Variants in ABRAXAS2 observed in about 807,000 individuals in gnomAD.
ABRAXAS2 encodes abraxas 2, BRISC complex subunit, also known as BRISC complex subunit Abraxas 2.
ABRAXAS2 carries 23 observed loss-of-function variants against 49.0 expected under a neutral mutation model. The ratio of observed to expected loss-of-function variants is 0.47; its 90% CI spans 0.34 to 0.66. The LOEUF (loss-of-function observed/expected upper bound fraction) is 0.66. Ranked by LOEUF, ABRAXAS2 falls within the 30% of genes least tolerant of loss-of-function variation. The probability of loss-of-function intolerance (pLI) is 0.01; values close to 1 mark genes in which losing one functional copy is unlikely to be tolerated. For synonymous variants in ABRAXAS2, 168 were observed against 180.2 expected, an observed-to-expected ratio of 0.93 and a Z score of 0.54; for missense variants, 443 against 511.9, an observed-to-expected ratio of 0.87 and a Z score of 1.30.
chr10:124,824,021 G>A (rs1354943631), intron 4 of ABRAXAS2, among the ~76,000 whole-genome samples: 1 of 152,174 alleles, frequency 6.6e-6, no homozygotes, highest in Non-Finnish European at 1.5e-5. Context: ...GGGCTCAAGT[G>A]ATCCCCCTGC....
chr10:124,822,015 A>G (rs967767889), intron 4 of ABRAXAS2, among the ~76,000 whole-genome samples: 10 of 152,338 alleles, frequency 6.6e-5, no homozygotes, highest in African/African-American at 2.2e-4. Context: ...AACTAAGGTT[A>G]AATCATTTGC....
At chr10:124,817,145 GAAGTTA>G (rs991060756) in intron 3 of ABRAXAS2, among the ~76,000 whole-genome samples, 8 of 152,122 alleles carry the variant, frequency 5.3e-5, no homozygotes, top group African/African-American at 1.9e-4. Context: ...AGAGATGATT[GAAGTTA>G]TGTGAATGTG....
intron 1 of ABRAXAS2, 91 bp from the exon 2 acceptor site, chr10:124,806,740 A>G: frequency 1.2e-6 from 1 of 840,976 alleles, no homozygotes. Flanking sequence ...TATTGTGAAA[A>G]TTATAAATTT....
chr10:124,808,142 C>T (rs117492278), intron 2 of ABRAXAS2, among the ~76,000 whole-genome samples: 5,193 of 151,876 alleles, frequency 0.034, 131 homozygotes, highest in Non-Finnish European at 0.046. Flanking sequence ...ATACTCTGAA[C>T]AAAGCAAGGA....
rs1331987223 is a variant in ABRAXAS2, at chr10:124,826,724, A to G, written c.397A>G (p.Ile133Val). Residue 133 changes from isoleucine to valine, a missense_variant, in exon 5 of 9, where the codon ATC (isoleucine) becomes GTC (valine). Transcript: ENST00000298492. ...CCTCGTCTTTCTTCTCTTCAGCTTC[A>G]TCTCCACTGCCAACAATTCCACTCA... Reference protein sequence around the residue: ...PDLVFLLFSFISTANNSTHAL... With the variant: ...PDLVFLLFSFVSTANNSTHAL... 6.2e-7 allele frequency: 1 copy of G among 1,614,036 alleles called. No homozygotes were observed. Among genetic ancestry groups the G allele is most frequent in the Non-Finnish European group, 8.5e-7 (1 of 1,180,034 alleles).
At chr10:124,816,714 G>A in intron 3 of ABRAXAS2, 102 bp downstream of exon 3, 1 of 800,382 alleles carries the variant, frequency 1.2e-6, no homozygotes, top group Non-Finnish European at 2.1e-6. Context: ...AAGTCATGAG[G>A]GTACCCAAAT....
At chr10:124,802,188 G>A (rs945223732) in intron 1 of ABRAXAS2, among the ~76,000 whole-genome samples, 1 of 152,182 alleles carries the variant, frequency 6.6e-6, no homozygotes, top group Non-Finnish European at 1.5e-5. Flanking sequence ...GCAGTGTCAG[G>A]AGTCGCTCGG....
Position 124,806,816 on chromosome 10 carries a change from T to C in ABRAXAS2, c.73-15T>C, listed in dbSNP as rs369593747. 1 of 1,536,220 alleles carries C rather than the reference T, an allele frequency of 6.5e-7. No homozygotes were observed. The highest frequency in any genetic ancestry group is 1.4e-5 in the African/African-American group (1 of 72,682). ...TTATTTTTAGTCTGCAATTATTTTCTTTAATTACTTTTAGGAAGGATTTTT... is the reference window on the plus strand; with the variant it reads ...TTATTTTTAGTCTGCAATTATTTTCCTTAATTACTTTTAGGAAGGATTTTT... On this transcript the variant is annotated splice_polypyrimidine_tract_variant and intron_variant, in intron 1 of 8. Transcript: ENST00000298492.
At chr10:124,802,975 G>A (rs1005077156) in intron 1 of ABRAXAS2, among the ~76,000 whole-genome samples, 7 of 152,166 alleles carry the variant, frequency 4.6e-5, no homozygotes, top group Non-Finnish European at 1.0e-4. Context: ...AGAACTTAAT[G>A]ATAGGAATAG....
At position 124,831,330 on chromosome 10, in the gene ABRAXAS2, T is replaced by C. The variant is rs1369828210; in HGVS notation, c.664-19T>C. Reference sequence around the variant, plus strand: ...GTGCTTGAACTTGAAGCTAACCTCGTTGTCATTTTTTTCCTCAGGCAGTGT... The same window carrying C: ...GTGCTTGAACTTGAAGCTAACCTCGCTGTCATTTTTTTCCTCAGGCAGTGT... On this transcript the variant is annotated intron_variant, in intron 7 of 8. Coordinates refer to ENST00000298492, the MANE Select transcript of ABRAXAS2 (RefSeq NM_032182.4). The C allele has an allele frequency of 1.3e-6, 2 of 1,494,434 alleles. No homozygotes were observed. The highest frequency in any genetic ancestry group is 1.1e-5 in the South Asian group (1 of 88,166). The allele number at this position is 1,494,434 out of a possible 1,614,324, so 92.6% of individuals were successfully genotyped here. A position where few individuals can be genotyped will look rare whatever the true frequency, so the allele number is the denominator to read the frequency against.
At chr10:124,819,359 T>C (rs775654468) in intron 3 of ABRAXAS2, 25 bp from the exon 4 acceptor site, 3 of 1,603,088 alleles carry the variant, frequency 1.9e-6, no homozygotes, top group African/African-American at 2.7e-5. Flanking sequence ...GTGGTGTTAG[T>C]ACAAGATTTT....
intron 5 of ABRAXAS2, 98 bp downstream of exon 5, chr10:124,826,883 G>A: frequency 8.5e-7 from 1 of 1,175,636 alleles, no homozygotes; most frequent in Non-Finnish European, 1.2e-6. Flanking sequence ...GAAGGCTGAG[G>A]CGGATGGATC....
In ABRAXAS2 at chr10:124,834,570, A is replaced by G. The variant is rs914296931; in HGVS notation, c.847A>G (p.Met283Val). ...ESLDPAFSPR[M>V]PSSGFAAEGR... is the part of the protein sequence containing the mutation. Reference sequence around the variant, plus strand: ...CTTGGACCCAGCGTTCAGTCCTCGGATGCCGTCCTCTGGGTTTGCAGCTGA... The same window carrying G: ...CTTGGACCCAGCGTTCAGTCCTCGGGTGCCGTCCTCTGGGTTTGCAGCTGA... The change falls in exon 9 of 9, where the codon ATG becomes GTG. Residue 283 changes from methionine (M) to valine (V), a missense_variant. Coordinates refer to ENST00000298492, the MANE Select transcript of ABRAXAS2 (RefSeq NM_032182.4). The G allele has an allele frequency of 2.5e-6, 4 of 1,614,078 alleles. No homozygotes were observed. Among genetic ancestry groups the G allele is most frequent in the Admixed American group, 1.7e-5 (1 of 60,006 alleles).
chr10:124,802,364 C>T (rs1950711506), intron 1 of ABRAXAS2, among the ~76,000 whole-genome samples: 1 of 152,210 alleles, frequency 6.6e-6, no homozygotes, highest in Non-Finnish European at 1.5e-5. Flanking sequence ...CGAGTGAAAC[C>T]GTGGCTGTCA....
intron 4 of ABRAXAS2, among the ~76,000 whole-genome samples, chr10:124,824,569 A>C (rs1442773268): frequency 6.6e-6 from 1 of 151,602 alleles, no homozygotes. Context: ...GGCAGCTAGG[A>C]AAAAAAATGA....
chr10:124,822,651 G>A (rs963181800), intron 4 of ABRAXAS2, among the ~76,000 whole-genome samples: 28 of 152,216 alleles, frequency 1.8e-4, no homozygotes, highest in African/African-American at 6.5e-4. Flanking sequence ...AATTAGCTGG[G>A]CATGATGGCG....
At chr10:124,818,368 C>G (rs967120677) in intron 3 of ABRAXAS2, among the ~76,000 whole-genome samples, 2 of 150,168 alleles carry the variant, frequency 1.3e-5, no homozygotes, top group African/African-American at 4.9e-5. Context: ...TGCACTCCAG[C>G]CTGGGTGACA....
rs762864100 is a variant in ABRAXAS2, at chr10:124,822,446, G to GT, written c.267+3005dup. Reference sequence around the variant, plus strand: ...ATGAAGGAAGAATTTATTTGATAAGGTTTTTTTTTCTTTTAATGACTATGT... The same window carrying GT: ...ATGAAGGAAGAATTTATTTGATAAGGTTTTTTTTTTCTTTTAATGACTATGT... On this transcript the variant is annotated intron_variant, in intron 4 of 8. Transcript: ENST00000298492. Among the ~76,000 whole-genome samples, 17 of 151,296 alleles carry GT rather than the reference G, an allele frequency of 1.1e-4. No homozygotes were observed. In the East Asian group the frequency reaches 1.2e-3, roughly 10 times the overall value.
intron 8 of ABRAXAS2, among the ~76,000 whole-genome samples, chr10:124,832,654 G>A (rs1950940518): frequency 6.6e-6 from 1 of 151,886 alleles, no homozygotes; most frequent in Non-Finnish European, 1.5e-5. Context: ...AGACTAGCCT[G>A]GCCAAAGTGG....
Sources: allele counts gnomAD v4.1 joint callset (sites outside exome capture counted in the v4.1 genomes callset), GRCh38; gene constraint gnomAD v4.1.1; transcripts MANE v1.5; gene names NCBI Gene and HGNC (gene_info 2026-07-23, HGNC 2026-07-21).